Variants in CNTNAP5 observed in about 807,000 individuals in gnomAD.
The protein encoded by CNTNAP5 is contactin associated protein family member 5, also known as contactin-associated protein-like 5.
Under a neutral mutation model 150.2 loss-of-function variants are expected in CNTNAP5, and 72 were observed. The ratio of observed to expected loss-of-function variants is 0.48; its 90% CI spans 0.40 to 0.58. The LOEUF (loss-of-function observed/expected upper bound fraction) is 0.58. Ranked by LOEUF, CNTNAP5 falls within the 20% of genes least tolerant of loss-of-function variation. The probability of loss-of-function intolerance (pLI) is 0.00; values close to 1 mark genes in which losing one functional copy is unlikely to be tolerated. For missense variants in CNTNAP5, 1,636 were observed against 1,626.2 expected (o/e 1.01, Z -0.10); for synonymous variants, 672 against 619.8 (o/e 1.08, Z -1.25).
intron 1 of CNTNAP5, among the ~76,000 whole-genome samples, chr2:124,184,403 T>C (rs1022705173): frequency 6.6e-6 from 1 of 152,158 alleles, no homozygotes; most frequent in Non-Finnish European, 1.5e-5. Context: ...AAAATATAGT[T>C]ACATTTCAGA....
At chr2:124,090,883 G>C (rs1682797144) in intron 1 of CNTNAP5, among the ~76,000 whole-genome samples, 1 of 152,196 alleles carries the variant, frequency 6.6e-6, no homozygotes, top group African/African-American at 2.4e-5. Flanking sequence ...GATTCAAACA[G>C]AGTTGGAAAG....
chr2:124,505,823 G>A (rs1286966477), intron 8 of CNTNAP5, among the ~76,000 whole-genome samples: 1 of 152,172 alleles, frequency 6.6e-6, no homozygotes, highest in Non-Finnish European at 1.5e-5. Context: ...TTGGTCTGCA[G>A]CATGCTGATC....
chr2:124,655,029 AT>A (rs1490275034), intron 13 of CNTNAP5, among the ~76,000 whole-genome samples: 3 of 151,766 alleles, frequency 2.0e-5, no homozygotes, highest in Admixed American at 2.0e-4. Flanking sequence ...CAGAATGTGC[AT>A]GTTTGTTACA....
chr2:124,236,049 T>G (rs931559349), intron 2 of CNTNAP5, among the ~76,000 whole-genome samples: 1 of 152,086 alleles, frequency 6.6e-6, no homozygotes, highest in African/African-American at 2.4e-5. Flanking sequence ...CATTGAAACC[T>G]CTGCTTCCCG....
At chr2:124,756,447 T>G (rs961058513) in intron 14 of CNTNAP5, among the ~76,000 whole-genome samples, 1 of 152,174 alleles carries the variant, frequency 6.6e-6, no homozygotes, top group African/African-American at 2.4e-5. Context: ...CATTTTATGA[T>G]AAAGATACAT....
intron 21 of CNTNAP5, among the ~76,000 whole-genome samples, chr2:124,870,739 C>G (rs1453476775): frequency 6.6e-6 from 1 of 152,068 alleles, no homozygotes; most frequent in African/African-American, 2.4e-5. Flanking sequence ...AGTGTGGGTT[C>G]TTTTTGGGGT....
At chr2:124,309,622 C>A (rs1263862929) in intron 3 of CNTNAP5, among the ~76,000 whole-genome samples, 2 of 152,164 alleles carry the variant, frequency 1.3e-5, no homozygotes, top group African/African-American at 4.8e-5. Context: ...AGGTCCCCAG[C>A]CATTCTGAGG....
At chr2:124,577,189 A>G (rs930407271) in intron 11 of CNTNAP5, among the ~76,000 whole-genome samples, 1 of 152,198 alleles carries the variant, frequency 6.6e-6, no homozygotes, top group African/African-American at 2.4e-5. Context: ...CAGCACTATC[A>G]TCACGTCTCA....
At chr2:124,821,727 G>A (rs1682496064) in intron 19 of CNTNAP5, among the ~76,000 whole-genome samples, 1 of 152,188 alleles carries the variant, frequency 6.6e-6, no homozygotes, top group Non-Finnish European at 1.5e-5. Context: ...CTCTCCAAGT[G>A]TGATCCCTGG....
chr2:124,230,348 C>T (rs1478116622), intron 2 of CNTNAP5, among the ~76,000 whole-genome samples: 5 of 151,976 alleles, frequency 3.3e-5, no homozygotes, highest in Admixed American at 6.6e-5. Context: ...TTCCAGATTA[C>T]AAGGGAAAAT....
chr2:124,629,064 T>C (rs1677791246), intron 12 of CNTNAP5, among the ~76,000 whole-genome samples: 1 of 152,180 alleles, frequency 6.6e-6, no homozygotes, highest in African/African-American at 2.4e-5. Flanking sequence ...ATAAAACAAG[T>C]TCTTAGAGAC....
At chr2:124,403,283 CT>C (rs958370816) in intron 3 of CNTNAP5, among the ~76,000 whole-genome samples, 4 of 152,114 alleles carry the variant, frequency 2.6e-5, no homozygotes, top group Non-Finnish European at 4.4e-5. Context: ...ACCCGCCTTT[CT>C]TTTTTTTCTC....
chr2:124,468,135 A>T (rs945538342), intron 6 of CNTNAP5, among the ~76,000 whole-genome samples: 1 of 152,082 alleles, frequency 6.6e-6, no homozygotes, highest in African/African-American at 2.4e-5. Flanking sequence ...TTAGTGTACT[A>T]ACCAGGGTTC....
At chr2:124,368,833 A>G (rs1259599812) in intron 3 of CNTNAP5, among the ~76,000 whole-genome samples, 1 of 152,168 alleles carries the variant, frequency 6.6e-6, no homozygotes, top group African/African-American at 2.4e-5. Context: ...TTATATAGGC[A>G]TAAGATATCT....
At chr2:124,499,720 T>A (rs1478736198) in intron 7 of CNTNAP5, among the ~76,000 whole-genome samples, 1 of 152,208 alleles carries the variant, frequency 6.6e-6, no homozygotes, top group African/African-American at 2.4e-5. Flanking sequence ...ACACTTTCTA[T>A]CAATTGTACT....
chr2:124,863,254 A>G (rs1004457763), intron 19 of CNTNAP5, among the ~76,000 whole-genome samples: 3 of 152,168 alleles, frequency 2.0e-5, no homozygotes, highest in African/African-American at 7.2e-5. Flanking sequence ...GTTAAGACAC[A>G]CAGATTCTTA....
chr2:124,321,814 G>C (rs1689105428), intron 3 of CNTNAP5, among the ~76,000 whole-genome samples: 1 of 152,150 alleles, frequency 6.6e-6, no homozygotes, highest in Admixed American at 6.5e-5. Context: ...GGCAGGTTCT[G>C]TTAAGAGGAT....
chr2:124,740,911 G>C (rs1467857903), intron 13 of CNTNAP5, among the ~76,000 whole-genome samples: 1 of 152,094 alleles, frequency 6.6e-6, no homozygotes, highest in Non-Finnish European at 1.5e-5. Flanking sequence ...CATGCCTCTT[G>C]AGGTCTACAC....
intron 3 of CNTNAP5, among the ~76,000 whole-genome samples, chr2:124,385,213 G>A (rs1163455089): frequency 6.6e-6 from 1 of 152,186 alleles, no homozygotes; most frequent in African/African-American, 2.4e-5. Context: ...GACATTGGTG[G>A]GTAAGGATGA....
Sources: gnomAD v4.1 joint callset for allele counts (sites outside exome capture counted in the v4.1 genomes callset) on GRCh38, gnomAD v4.1.1 for gene constraint, MANE v1.5 for transcripts, NCBI Gene and HGNC (gene_info 2026-07-23, HGNC 2026-07-21) for gene names.